Variants in EYS observed in about 807,000 individuals in gnomAD.
EYS encodes protein eyes shut homolog.
In EYS, 250 loss-of-function variants were observed where a neutral mutation model predicts 282.1. The observed-to-expected ratio is 0.89, with a 90% confidence interval of 0.80 to 0.98. The LOEUF is 0.98. Among genes scored for constraint, EYS ranks in the 50% least tolerant of loss-of-function variants. The pLI is 0.00. For synonymous variants in EYS, 1,355 were observed against 1,282.9 expected, an observed-to-expected ratio of 1.06 and a Z score of -1.20; for missense variants, 4,016 against 3,709.0, an observed-to-expected ratio of 1.08 and a Z score of -2.15.
intron 1 of EYS, among the ~76,000 whole-genome samples, chr6:65,700,613 A>G (rs1769641159): frequency 1.3e-5 from 2 of 152,294 alleles, no homozygotes; most frequent in South Asian, 2.1e-4. Context: ...AATATTTACT[A>G]TATTCATTAA....
intron 36 of EYS, among the ~76,000 whole-genome samples, chr6:63,852,155 T>TAA (rs1772272801): frequency 3.2e-4 from 2 of 6,168 alleles, no homozygotes; most frequent in Admixed American, 2.6e-3. Flanking sequence ...AGACTCTGTC[T>TAA]CAAAAAAAAA....
chr6:65,656,967 T>G (rs1419509702), intron 1 of EYS, among the ~76,000 whole-genome samples: 1 of 151,858 alleles, frequency 6.6e-6, no homozygotes, highest in East Asian at 1.9e-4. Flanking sequence ...CTGAATCTCA[T>G]TTACTATTTT....
intron 35 of EYS, among the ~76,000 whole-genome samples, chr6:63,883,890 G>C (rs923786166): frequency 2.0e-5 from 3 of 152,180 alleles, no homozygotes; most frequent in Non-Finnish European, 1.5e-5. Flanking sequence ...TTCCTGAGAA[G>C]AGCCTTTCCT....
chr6:63,837,968 T>G (rs1771851847), intron 36 of EYS, among the ~76,000 whole-genome samples: 1 of 152,196 alleles, frequency 6.6e-6, no homozygotes, highest in African/African-American at 2.4e-5. Context: ...ATGAATTTAA[T>G]TACAGGACTG....
At chr6:64,732,424 A>G (rs9689564) in intron 22 of EYS, among the ~76,000 whole-genome samples, 2,908 of 152,250 alleles carry the variant, frequency 0.019, 79 homozygotes, top group African/African-American at 0.063. Flanking sequence ...ATTGCATTCC[A>G]TATACACCTT....
At chr6:64,340,897 T>C (rs559957591) in intron 29 of EYS, among the ~76,000 whole-genome samples, 2 of 151,980 alleles carry the variant, frequency 1.3e-5, no homozygotes, top group African/African-American at 4.8e-5. Context: ...CATTAAAATG[T>C]GGGCAAAAGA....
intron 2 of EYS, among the ~76,000 whole-genome samples, chr6:65,515,073 C>A (rs557646873): frequency 6.6e-6 from 1 of 152,012 alleles, no homozygotes; most frequent in East Asian, 1.9e-4. Flanking sequence ...GAATCTACAA[C>A]GAACTCAAAC....
At position 65,004,405 on chromosome 6, in the gene EYS, T is replaced by C. The variant is rs1180558676; in HGVS notation, c.2138-6702A>G. 1.4e-5 allele frequency among the ~76,000 whole-genome samples: 2 copies of C among 147,530 alleles called. 1 individual carries two copies. Among genetic ancestry groups the C allele is most frequent in the East Asian group, 4.2e-4 (2 of 4,714 alleles). ...ATCCTAAACTCTCCCATTACTATGTTACATTCTACAATGGTCTGCTCTACA... is the reference window on the plus strand; with the variant it reads ...ATCCTAAACTCTCCCATTACTATGTCACATTCTACAATGGTCTGCTCTACA... On this transcript the variant is annotated intron_variant, in intron 13 of 42. Coordinates refer to ENST00000503581, the MANE Select transcript of EYS (RefSeq NM_001142800.2).
In EYS at chr6:63,999,136, A is replaced by G. The variant is rs1459542573; in HGVS notation, c.6773T>C (p.Met2258Thr). The change falls in exon 34 of 43, where the codon ATG (methionine) becomes ACG (threonine). Residue 2258 changes from methionine to threonine, a missense_variant. Transcript: ENST00000503581. ...GSPGVVCMIE[M>T]TADGKPPVQK... Reference sequence around the variant, plus strand: ...TACTGGAGGTTTTCCATCTGCAGTCATTTCAATCATACAAACAACTCCAGG... The same window carrying G: ...TACTGGAGGTTTTCCATCTGCAGTCGTTTCAATCATACAAACAACTCCAGG... 1.7e-5 allele frequency: 26 copies of G among 1,551,640 alleles called. No homozygotes were observed. The highest frequency in any genetic ancestry group is 8.7e-7 in the Non-Finnish European group (1 of 1,146,954).
At chr6:64,683,331 A>G (rs918462755) in intron 22 of EYS, among the ~76,000 whole-genome samples, 19 of 152,240 alleles carry the variant, frequency 1.2e-4, no homozygotes, top group African/African-American at 4.3e-4. Flanking sequence ...CAATATCAAT[A>G]TATTTAAGGA....
In EYS at chr6:64,075,144, C is replaced by A. The variant is rs527535617; in HGVS notation, c.6571+6712G>T. ...TTTTAGAATTCCTCTTTCCTGGTTC[C>A]CCCTAAAGGTCTGGATTTGTATACA... On this transcript the variant is annotated intron_variant, in intron 32 of 42. Coordinates refer to ENST00000503581, the MANE Select transcript of EYS (RefSeq NM_001142800.2). Among the ~76,000 whole-genome samples the A allele has an allele frequency of 7.9e-5, 12 of 152,014 alleles. 1 individual carries two copies. The South Asian group carries it at 2.5e-3, about 31-fold the overall frequency.
intron 2 of EYS, among the ~76,000 whole-genome samples, chr6:65,600,658 G>A (rs1416015691): frequency 6.6e-6 from 1 of 151,670 alleles, no homozygotes; most frequent in Non-Finnish European, 1.5e-5. Context: ...ATCCCAATCA[G>A]GAAAATAAGT....
intron 19 of EYS, among the ~76,000 whole-genome samples, chr6:64,847,852 T>G (rs1249686718): frequency 6.6e-6 from 1 of 152,090 alleles, no homozygotes; most frequent in Admixed American, 6.6e-5. Flanking sequence ...GTGAACAATT[T>G]GTAGAGTGGA....
intron 35 of EYS, among the ~76,000 whole-genome samples, chr6:63,891,008 G>A (rs1773393115): frequency 6.6e-6 from 1 of 152,132 alleles, no homozygotes; most frequent in Non-Finnish European, 1.5e-5. Flanking sequence ...TAAATTCCTG[G>A]ACACATACAG....
At chr6:64,647,388 T>C (rs1768392736) in intron 22 of EYS, among the ~76,000 whole-genome samples, 1 of 152,192 alleles carries the variant, frequency 6.6e-6, no homozygotes, top group Admixed American at 6.5e-5. Context: ...ACTGAATTTC[T>C]AGAAGTTATT....
At chr6:64,914,799 G>T (rs1303037139) in intron 15 of EYS, among the ~76,000 whole-genome samples, 4 of 152,046 alleles carry the variant, frequency 2.6e-5, no homozygotes, top group Non-Finnish European at 5.9e-5. Context: ...GGATTTCACA[G>T]CTGTCTAAAT....
intron 36 of EYS, among the ~76,000 whole-genome samples, chr6:63,858,461 TGCTGAAGTAGA>T (rs1772450044): frequency 6.6e-6 from 1 of 152,160 alleles, no homozygotes; most frequent in Non-Finnish European, 1.5e-5. Flanking sequence ...TCTCTACAGA[TGCTGAAGTAGA>T]GGGAAAAAGT....
intron 13 of EYS, among the ~76,000 whole-genome samples, chr6:65,020,853 C>T (rs1378344074): frequency 6.6e-6 from 1 of 152,140 alleles, no homozygotes; most frequent in Non-Finnish European, 1.5e-5. Flanking sequence ...CCTGCAGGAC[C>T]AACACCACAT....
intron 41 of EYS, among the ~76,000 whole-genome samples, chr6:63,762,190 AT>A (rs1175154856): frequency 6.6e-6 from 1 of 151,658 alleles, no homozygotes; most frequent in African/African-American, 2.4e-5. Flanking sequence ...ACTTAACTGC[AT>A]TTAGCACAAA....
Sources: allele counts gnomAD v4.1 joint callset (sites outside exome capture counted in the v4.1 genomes callset), GRCh38; gene constraint gnomAD v4.1.1; transcripts MANE v1.5; gene names NCBI Gene and HGNC (gene_info 2026-07-23, HGNC 2026-07-21).